The following MMP26 variants were observed in gnomAD, a reference collection of about 807,000 sequenced individuals.
MMP26 encodes matrix metalloproteinase-26.
A neutral mutation model predicts 31.0 loss-of-function variants in MMP26; 33 were observed. The ratio of observed to expected loss-of-function variants is 1.06; its 90% CI spans 0.81 to 1.42. MMP26 has a LOEUF of 1.42. Among genes scored for constraint, MMP26 ranks in the 40% most tolerant of loss-of-function variants. The pLI is 0.00. For missense variants in MMP26, 347 were observed against 316.1 expected, an observed-to-expected ratio of 1.10 and a Z score of -0.74; for synonymous variants, 122 against 114.9, an observed-to-expected ratio of 1.06 and a Z score of -0.40.
intron 2 of MMP26, chr11:4,923,577 T>C: frequency 6.2e-7 from 1 of 1,613,882 alleles, no homozygotes. Flanking sequence ...ATCATGGGGA[T>C]GTAGAAGAGC....
intron 2 of MMP26, among the ~76,000 whole-genome samples, chr11:4,966,319 T>C (rs1589820703): frequency 6.6e-6 from 1 of 152,074 alleles, no homozygotes; most frequent in Non-Finnish European, 1.5e-5. Context: ...ATCAGGGGTA[T>C]GGGTGCAGGT....
chr11:4,899,609 C>T (rs1461672719), intron 2 of MMP26, among the ~76,000 whole-genome samples: 1 of 152,066 alleles, frequency 6.6e-6, no homozygotes, highest in East Asian at 1.9e-4. Context: ...CAAGAGACAA[C>T]CAGTCAGCTA....
chr11:4,983,635 T>C (rs1396618983), intron 2 of MMP26, among the ~76,000 whole-genome samples: 1 of 152,118 alleles, frequency 6.6e-6, no homozygotes, highest in East Asian at 1.9e-4. Context: ...AAAGCATAGA[T>C]GGGGGTGAGA....
At chr11:4,801,840 G>A (rs561263980) in intron 2 of MMP26, among the ~76,000 whole-genome samples, 50 of 152,024 alleles carry the variant, frequency 3.3e-4, no homozygotes, top group Middle Eastern at 3.4e-3. Flanking sequence ...AGCCCAGTTA[G>A]GACTCTTTTA....
At chr11:4,730,404 A>AAGAGAGAG (rs59289871) in intron 1 of MMP26, among the ~76,000 whole-genome samples, 2,137 of 144,950 alleles carry the variant, frequency 0.015, 50 homozygotes, top group African/African-American at 0.044. Context: ...GTTTCTGGGA[A>AAGAGAGAG]AGAGAGAGAG....
At chr11:4,875,406 A>G (rs1343669211) in intron 2 of MMP26, 1 of 152,130 alleles carries the variant, frequency 6.6e-6, no homozygotes, top group Admixed American at 6.6e-5. Context: ...ATTTATTTTT[A>G]ACAGTTCTTT....
At chr11:4,761,404 T>A (rs1016379789) in intron 1 of MMP26, among the ~76,000 whole-genome samples, 1 of 152,228 alleles carries the variant, frequency 6.6e-6, no homozygotes, top group Admixed American at 6.5e-5. Flanking sequence ...GTGACCCATT[T>A]ATCTCTATGA....
chr11:4,879,815 G>T (rs900513694), intron 2 of MMP26, among the ~76,000 whole-genome samples: 1 of 152,136 alleles, frequency 6.6e-6, no homozygotes, highest in African/African-American at 2.4e-5. Context: ...ATGGCCAGGA[G>T]AGTAATGAGA....
chr11:4,834,476 A>G (rs915145894), intron 2 of MMP26, among the ~76,000 whole-genome samples: 3 of 152,220 alleles, frequency 2.0e-5, no homozygotes, highest in African/African-American at 7.2e-5. Flanking sequence ...TTACTACATC[A>G]GGGTCCAGGA....
intron 2 of MMP26, among the ~76,000 whole-genome samples, chr11:4,920,804 T>TA (rs1015449181): frequency 2.0e-5 from 3 of 152,104 alleles, no homozygotes; most frequent in Admixed American, 6.5e-5. Flanking sequence ...TGATTCTCCA[T>TA]AAAATATTCA....
chr11:4,753,644 T>A (rs1848474008), intron 1 of MMP26, among the ~76,000 whole-genome samples: 1 of 152,090 alleles, frequency 6.6e-6, no homozygotes, highest in Non-Finnish European at 1.5e-5. Context: ...ATTGACTAAT[T>A]GTGATTTGGA....
At chr11:4,865,196 C>T (rs1850217729) in intron 2 of MMP26, among the ~76,000 whole-genome samples, 1 of 151,868 alleles carries the variant, frequency 6.6e-6, no homozygotes, top group African/African-American at 2.4e-5. Context: ...TGCCAAAGGC[C>T]TCACATATTC....
chr11:4,990,493 C>A, intron 4 of MMP26, 105 bp from the exon 5 acceptor site: 1 of 1,152,480 alleles, frequency 8.7e-7, no homozygotes, highest in Non-Finnish European at 1.2e-6. Flanking sequence ...CAAAATGAGT[C>A]CTAAAACTAT....
intron 2 of MMP26, among the ~76,000 whole-genome samples, chr11:4,792,587 A>G (rs538315425): frequency 2.0e-5 from 3 of 152,172 alleles, no homozygotes; most frequent in African/African-American, 4.8e-5. Context: ...GAATAAGAGA[A>G]CACACACCCC....
rs577133441 is a variant in MMP26, at chr11:4,891,132, G to A, written c.-144-96936G>A. Among the ~76,000 whole-genome samples, 170 of 152,104 alleles carry A rather than the reference G, an allele frequency of 1.1e-3. No homozygotes were observed. The Middle Eastern group carries it at 0.02, about 18-fold the overall frequency. On this transcript the variant is annotated intron_variant, in intron 2 of 7. Coordinates refer to ENST00000380390, the MANE Select transcript of MMP26 (RefSeq NM_021801.5). The stretch of plus-strand genomic sequence containing the variant: ...GTCATTTGTTGCAAACATTTGTTCA[G>A]GCAAGGTGTGACAGGCTGTTCTCCC...
rs766905912 is a variant in MMP26 at position 4,821,575 on chromosome 11, C to T, written c.-145+54234C>T. On this transcript the variant is annotated intron_variant, in intron 2 of 7. Transcript: ENST00000380390. Reference sequence around the variant, plus strand: ...AAATAGCATGATCCTGTTTGTGGTCCTCTGTGAACGGAGCCTCCATAAGCC... The same window carrying T: ...AAATAGCATGATCCTGTTTGTGGTCTTCTGTGAACGGAGCCTCCATAAGCC... 12 of 1,612,980 alleles carry T rather than the reference C, an allele frequency of 7.4e-6. No homozygotes were observed. The African/African-American group carries it at 1.5e-4, about 20-fold the overall frequency.
intron 2 of MMP26, among the ~76,000 whole-genome samples, chr11:4,926,296 G>C (rs1276291956): frequency 2.0e-5 from 3 of 152,154 alleles, no homozygotes; most frequent in African/African-American, 7.2e-5. Flanking sequence ...AGACTTGGAG[G>C]GGAACTGGGC....
intron 2 of MMP26, chr11:4,830,070 G>A (rs951862188): frequency 1.3e-5 from 2 of 152,156 alleles, no homozygotes; most frequent in African/African-American, 2.4e-5. Flanking sequence ...GTTCCCAGGG[G>A]ACTAGGTGCC....
At position 4,861,149 on chromosome 11, in the gene MMP26, C is replaced by A. The variant is rs186770703; in HGVS notation, c.-145+93808C>A. ...TATACATATAGATACACACAGTTTC[C>A]AAGTATATACATATAGAAGTATATA... On this transcript the variant is annotated intron_variant, in intron 2 of 7. Transcript: ENST00000380390. Among the ~76,000 whole-genome samples, 217 of 148,534 alleles carry A rather than the reference C, an allele frequency of 1.5e-3. 2 individuals carry two copies. The highest frequency in any genetic ancestry group is 5.3e-3 in the African/African-American group (213 of 40,528).
Sources: allele counts gnomAD v4.1 joint callset (sites outside exome capture counted in the v4.1 genomes callset), GRCh38; gene constraint gnomAD v4.1.1; transcripts MANE v1.5; gene names NCBI Gene and HGNC (gene_info 2026-07-23, HGNC 2026-07-21).